The following IQSEC3 variants were observed in gnomAD, a reference collection of about 807,000 sequenced individuals.
IQSEC3 encodes the protein IQ motif and SEC7 domain-containing protein 3.
A neutral mutation model predicts 105.4 loss-of-function variants in IQSEC3; 50 were observed. The observed-to-expected ratio is 0.47, with a 90% CI of 0.38 to 0.60. The LOEUF (loss-of-function observed/expected upper bound fraction) is 0.60, where lower values mean the gene tolerates loss of function less well. IQSEC3 is among the 20% of genes least tolerant of loss of function. The probability of loss-of-function intolerance (pLI) is 0.00; values close to 1 mark genes in which losing one functional copy is unlikely to be tolerated. For synonymous variants in IQSEC3, 708 were observed against 746.0 expected, an observed-to-expected ratio of 0.95 and a Z score of 0.83; for missense variants, 1,415 against 1,630.0, an observed-to-expected ratio of 0.87 and a Z score of 2.27.
intron 5 of IQSEC3, among the ~76,000 whole-genome samples, chr12:146,437 C>T (rs1866272947): frequency 6.6e-6 from 1 of 152,100 alleles, no homozygotes; most frequent in Non-Finnish European, 1.5e-5. Context: ...GCTCTTACGG[C>T]ACCACTGCAC....
chr12:108,867 G>A (rs535580010), intron 2 of IQSEC3, among the ~76,000 whole-genome samples: 1 of 152,316 alleles, frequency 6.6e-6, no homozygotes, highest in Admixed American at 6.5e-5. Flanking sequence ...GGCACCATCC[G>A]TCTCCCTGGC....
chr12:150,667 G>C (rs557954594), intron 5 of IQSEC3, among the ~76,000 whole-genome samples: 9 of 152,222 alleles, frequency 5.9e-5, no homozygotes, highest in African/African-American at 2.2e-4. Context: ...TGGCCACATA[G>C]CAACCAGCAA....
intron 7 of IQSEC3, among the ~76,000 whole-genome samples, chr12:160,245 G>C (rs1866840128): frequency 6.6e-6 from 1 of 151,624 alleles, no homozygotes; most frequent in Non-Finnish European, 1.5e-5. Context: ...GATGAAATCT[G>C]GTTGTTCATT....
Position 125,880 on chromosome 12 carries a change from T to C in IQSEC3, c.871T>C (p.Tyr291His). Reference protein sequence around the residue: ...LCPHAPAASDYELSLDLKNKQ... With the variant: ...LCPHAPAASDHELSLDLKNKQ... ...CCCCCACGCCCCTGCCGCCTCCGATTACGAACTCTCCCTTGACCTAAAGAA... is the reference window on the plus strand; with the variant it reads ...CCCCCACGCCCCTGCCGCCTCCGATCACGAACTCTCCCTTGACCTAAAGAA... Residue 291 changes from tyrosine to histidine, a missense_variant, in exon 3 of 14, where the codon TAC becomes CAC. Tyr to His is a moderately conservative substitution (Grantham distance 83). This residue lies in a region of IQSEC3 where 720 missense variants were observed against 633.0 expected (regional missense o/e 1.14). Transcript: ENST00000538872. 6.5e-7 allele frequency: 1 copy of C among 1,533,784 alleles called. No homozygotes were observed. Among genetic ancestry groups the C allele is most frequent in the Non-Finnish European group, 8.7e-7 (1 of 1,146,510 alleles).
chr12:101,909 C>T (rs918365536), intron 2 of IQSEC3, among the ~76,000 whole-genome samples: 1 of 152,202 alleles, frequency 6.6e-6, no homozygotes, highest in Non-Finnish European at 1.5e-5. Context: ...TCATCCCTTC[C>T]CCTAGCCCAG....
chr12:130,901 C>T (rs916493276), intron 3 of IQSEC3, among the ~76,000 whole-genome samples: 48 of 151,898 alleles, frequency 3.2e-4, no homozygotes, highest in African/African-American at 1.1e-3. Context: ...GTTCTGGAGG[C>T]TCACAACATG....
In IQSEC3 at chr12:134,318, G is replaced by A. The variant is rs192647192; in HGVS notation, c.904-3949G>A. 2.3e-3 allele frequency among the ~76,000 whole-genome samples: 343 copies of A among 152,352 alleles called. 3 individuals carry two copies. The highest frequency in any genetic ancestry group is 7.4e-3 in the African/African-American group (306 of 41,578). The stretch of plus-strand genomic sequence containing the variant: ...CTTGATGTCTAGTAGAGGATGTGAT[G>A]GGACAGATGCAAGAATTTAAAATCT... On this transcript the variant is annotated intron_variant, in intron 3 of 13. Transcript: ENST00000538872.
chr12:114,076 T>G (rs1864976754), intron 2 of IQSEC3, among the ~76,000 whole-genome samples: 1 of 152,228 alleles, frequency 6.6e-6, no homozygotes, highest in African/African-American at 2.4e-5. Flanking sequence ...AGCACTTAAC[T>G]TCTTAGGGTG....
Position 175,091 on chromosome 12 carries a change from C to G in IQSEC3, c.*58C>G. 7.6e-7 allele frequency: 1 copy of G among 1,310,862 alleles called. No individual in the cohort carries two copies. The highest frequency in any genetic ancestry group is 1.0e-6 in the Non-Finnish European group (1 of 978,430). 81.2% of individuals were successfully genotyped at this position (1,310,862 alleles called of 1,614,324 possible). On this transcript the variant is annotated 3_prime_UTR_variant, in exon 14 of 14. Coordinates refer to ENST00000538872, the MANE Select transcript of IQSEC3 (RefSeq NM_001170738.2). ...GCTGGCCACTGGGGGGCCTGGGCTG[C>G]CCCTCCACTGCTCCCCATACCCTGG... is the stretch of plus-strand genomic sequence containing the variant.
chr12:111,563 C>T (rs1197838978), intron 2 of IQSEC3: 2 of 152,124 alleles, frequency 1.3e-5, no homozygotes, highest in African/African-American at 4.8e-5. Flanking sequence ...TTACACACCC[C>T]AAGACCTCCG....
At chr12:168,354 T>G (rs371441119) in intron 11 of IQSEC3, among the ~76,000 whole-genome samples, 1 of 152,110 alleles carries the variant, frequency 6.6e-6, no homozygotes, top group Non-Finnish European at 1.5e-5. Context: ...TGGGAGAGAT[T>G]TGAACACCTT....
intron 3 of IQSEC3, among the ~76,000 whole-genome samples, chr12:135,359 C>T (rs1165795188): frequency 6.6e-6 from 1 of 152,182 alleles, no homozygotes; most frequent in African/African-American, 2.4e-5. Context: ...TACATTATTT[C>T]CACAGGAGCA....
At chr12:169,463 C>T (rs1435227289) in intron 12 of IQSEC3, among the ~76,000 whole-genome samples, 2 of 152,090 alleles carry the variant, frequency 1.3e-5, no homozygotes, top group Admixed American at 1.3e-4. Context: ...CAAGAGAAGC[C>T]CCACGAGGAA....
chr12:139,212 G>A lies in IQSEC3; in HGVS notation c.1849G>A (p.Ala617Thr), dbSNP rs782665115. 13 of 1,597,498 alleles carry A rather than the reference G, an allele frequency of 8.1e-6. No individual in the cohort carries two copies. The highest frequency in any genetic ancestry group is 3.3e-4 in the Middle Eastern group (2 of 6,058). ...GTCAGGCTCGGAGGCGTCGGCCTCC[G>A]CCTCCAAGGACGCCCTGCAGGCCAT... ...AKSGSEASASASKDALQAMIL... is the reference protein window; with the variant it reads ...AKSGSEASASTSKDALQAMIL... Residue 617 changes from alanine to threonine, a missense_variant, in exon 4 of 14, where the codon GCC becomes ACC. Physicochemically the swap from Ala to Thr is moderately conservative, Grantham distance 58. Around this residue, in one of 6 missense-constraint regions of IQSEC3, gnomAD observed 720 missense variants for 633.0 expected, o/e 1.14. Transcript: ENST00000538872.
Position 117,402 on chromosome 12 carries a change from G to A in IQSEC3, c.624-8231G>A, listed in dbSNP as rs144672252. ...TGCTCAAAGACAGTAGGATTCCGGG[G>A]GCAGTAAGATGGCACTCGCCAGTAT... is the stretch of plus-strand genomic sequence containing the variant. On this transcript the variant is annotated intron_variant, in intron 2 of 13. Transcript: ENST00000538872. 7.3e-4 allele frequency among the ~76,000 whole-genome samples: 111 copies of A among 152,364 alleles called. 1 individual carries two copies. The highest frequency in any genetic ancestry group is 2.4e-3 in the African/African-American group (101 of 41,572).
chr12:68,415 C>T lies in IQSEC3; in HGVS notation c.554+979C>T, dbSNP rs529552671. On this transcript the variant is annotated intron_variant, in intron 1 of 13. Transcript: ENST00000538872. ...TGATCACTGAAATCTTGCCTTGGGT[C>T]CTGAGAGAAATGTTAACCTCTCAGT... 3.4e-3 allele frequency among the ~76,000 whole-genome samples: 517 copies of T among 152,212 alleles called. 1 individual carries two copies. Among genetic ancestry groups the T allele is most frequent in the African/African-American group, 0.012 (493 of 41,464 alleles).
At chr12:75,096 C>G (rs1290038140) in intron 1 of IQSEC3, among the ~76,000 whole-genome samples, 1 of 152,274 alleles carries the variant, frequency 6.6e-6, no homozygotes, top group African/African-American at 2.4e-5. Flanking sequence ...GGTTATCCTC[C>G]TTGTTTAAAT....
chr12:111,068 A>G (rs1565403419), intron 2 of IQSEC3, among the ~76,000 whole-genome samples: 1 of 151,960 alleles, frequency 6.6e-6, no homozygotes, highest in Non-Finnish European at 1.5e-5. Flanking sequence ...CCTGAGATGT[A>G]TGGGGGGGCA....
In IQSEC3 at chr12:141,148, C is replaced by T. The variant is rs782317929; in HGVS notation, c.2016C>T (p.Phe672=). ...FNINPDKGIQ[F]LISRGFIPDT... is the part of the protein sequence containing the mutation. ...GAAACCCCGACAAGGGCATCCAGTT[C>T]CTGATCTCACGCGGCTTCATCCCGG... Residue 672 remains phenylalanine (F), a synonymous_variant, in exon 5 of 14, where the codon TTC becomes TTT. Coordinates refer to ENST00000538872, the MANE Select transcript of IQSEC3 (RefSeq NM_001170738.2). 6.5e-7 allele frequency: 1 copy of T among 1,549,066 alleles called. No homozygotes were observed. Among genetic ancestry groups the T allele is most frequent in the Non-Finnish European group, 8.8e-7 (1 of 1,132,440 alleles).
Sources: allele counts gnomAD v4.1 joint callset (sites outside exome capture counted in the v4.1 genomes callset), GRCh38; gene constraint gnomAD v4.1.1; regional missense constraint gnomAD v4.1.1; transcripts MANE v1.5; gene names NCBI Gene and HGNC (gene_info 2026-07-23, HGNC 2026-07-21).